The following ADGRA1 variants were observed in gnomAD, a reference collection of about 807,000 sequenced individuals.
ADGRA1 encodes the protein G-protein coupled receptor 123.
In ADGRA1, 12 loss-of-function variants were observed where a neutral mutation model predicts 21.3. The observed-to-expected ratio is 0.56, with a 90% CI of 0.36 to 0.91. The LOEUF is 0.91. ADGRA1 is among the 40% of genes least tolerant of loss of function. The pLI is 0.01. For missense variants in ADGRA1, 790 were observed against 805.6 expected (o/e 0.98, Z 0.23); for synonymous variants, 385 against 368.8 (o/e 1.04, Z -0.50).
At chr10:133,096,678 G>A (rs186772533) in intron 2 of ADGRA1, among the ~76,000 whole-genome samples, 9 of 152,370 alleles carry the variant, frequency 5.9e-5, no homozygotes, top group Admixed American at 5.2e-4. Flanking sequence ...GCCGATACAT[G>A]GCCCCAGGAG....
chr10:133,091,769 A>T (rs1851599596), intron 2 of ADGRA1, among the ~76,000 whole-genome samples: 1 of 152,136 alleles, frequency 6.6e-6, no homozygotes, highest in Non-Finnish European at 1.5e-5. Context: ...TGGGTCTAAC[A>T]CTTCCTTCCC....
At position 133,094,785 on chromosome 10, in the gene ADGRA1, C is replaced by T. The variant is rs577491610; in HGVS notation, c.4-2189C>T. 7.9e-5 allele frequency among the ~76,000 whole-genome samples: 12 copies of T among 152,244 alleles called. No individual in the cohort carries two copies. The East Asian group carries it at 1.5e-3, about 20-fold the overall frequency. ...TCTTGGAGGAAAAGCCATTGACTCT[C>T]GTGGAAGAATCCTGGGGACAAGAAT... On this transcript the variant is annotated intron_variant, in intron 2 of 6. Transcript: ENST00000392607.
At chr10:133,125,446 C>T (rs544342798) in intron 5 of ADGRA1, among the ~76,000 whole-genome samples, 2 of 152,100 alleles carry the variant, frequency 1.3e-5, no homozygotes, top group South Asian at 2.1e-4. Context: ...TTGTTTGAGA[C>T]GGAGTCTCGT....
rs554396713 is a variant in ADGRA1, at chr10:133,119,410, A to G, written c.402-7823A>G. ...TGTGGCAGTTTCTTAAAATAAGACAACAATGACATTTGCCACATTGATAGA... is the reference window on the plus strand; with the variant it reads ...TGTGGCAGTTTCTTAAAATAAGACAGCAATGACATTTGCCACATTGATAGA... On this transcript the variant is annotated intron_variant, in intron 5 of 6. Transcript: ENST00000392607. 5.9e-5 allele frequency among the ~76,000 whole-genome samples: 9 copies of G among 152,356 alleles called. 1 individual carries two copies. In the South Asian group the frequency reaches 1.9e-3, roughly 32 times the overall value.
intron 2 of ADGRA1, chr10:133,095,664 C>CA: frequency 1.3e-6 from 2 of 1,596,122 alleles, no homozygotes; most frequent in South Asian, 2.2e-5. Flanking sequence ...ACCCTCTGTC[C>CA]ACGGTGGACA....
intron 5 of ADGRA1, among the ~76,000 whole-genome samples, chr10:133,108,137 A>G (rs1851924956): frequency 6.6e-6 from 1 of 152,206 alleles, no homozygotes; most frequent in Admixed American, 6.5e-5. Flanking sequence ...CAGGCATCAC[A>G]CAGACCTCCC....
intron 5 of ADGRA1, among the ~76,000 whole-genome samples, chr10:133,111,262 G>GTGA (rs1564849017): frequency 2.0e-4 from 21 of 102,696 alleles, no homozygotes; most frequent in Non-Finnish European, 3.2e-4. Context: ...GCCCACCACA[G>GTGA]GCACCTCCCT....
At chr10:133,111,298 C>G (rs60987118) in intron 5 of ADGRA1, among the ~76,000 whole-genome samples, 4 of 19,418 alleles carry the variant, frequency 2.1e-4, no homozygotes, top group South Asian at 4.6e-3. Flanking sequence ...CAACCTGCCC[C>G]CCCGGGAACC....
chr10:133,115,518 G>T (rs955823181), intron 5 of ADGRA1, among the ~76,000 whole-genome samples: 5 of 152,178 alleles, frequency 3.3e-5, no homozygotes. Flanking sequence ...ACCCCGAGAA[G>T]GGCAGCCCCC....
chr10:133,101,741 A>G (rs1851799135), intron 4 of ADGRA1, among the ~76,000 whole-genome samples: 1 of 152,108 alleles, frequency 6.6e-6, no homozygotes, highest in African/African-American at 2.4e-5. Context: ...AGGCACTGGG[A>G]TGGGACACGA....
chr10:133,113,593 T>C (rs1852103004), intron 5 of ADGRA1, among the ~76,000 whole-genome samples: 1 of 152,158 alleles, frequency 6.6e-6, no homozygotes, highest in African/African-American at 2.4e-5. Context: ...GAATGGCCAG[T>C]AGGAGGTGTC....
chr10:133,105,320 C>T (rs1433933508), intron 5 of ADGRA1, among the ~76,000 whole-genome samples: 1 of 152,188 alleles, frequency 6.6e-6, no homozygotes, highest in East Asian at 1.9e-4. Flanking sequence ...GAGTCTCAGC[C>T]GCCGTGCATG....
In ADGRA1 at chr10:133,088,775, G is replaced by T; in HGVS notation, c.-135G>T. 2 of 1,231,856 alleles carry T rather than the reference G, an allele frequency of 1.6e-6. No individual in the cohort carries two copies. Among genetic ancestry groups the T allele is most frequent in the South Asian group, 4.2e-5 (1 of 23,990 alleles). The allele number at this position is 1,231,856 out of a possible 1,614,324, so 76.3% of individuals were successfully genotyped here. A position where few individuals can be genotyped will look rare whatever the true frequency, so the allele number is the denominator to read the frequency against. On this transcript the variant is annotated 5_prime_UTR_variant, in exon 2 of 7. Coordinates refer to ENST00000392607, the MANE Select transcript of ADGRA1 (RefSeq NM_001083909.3). ...CCTGAGGCCAGGGGCCCGGGAGCGC[G>T]ACCTCCTGGCCGCCGTCTGGGACTT...
At chr10:133,120,595 T>C (rs1004247705) in intron 5 of ADGRA1, among the ~76,000 whole-genome samples, 1 of 152,194 alleles carries the variant, frequency 6.6e-6, no homozygotes, top group African/African-American at 2.4e-5. Flanking sequence ...GGAGCATTTT[T>C]TCTGCTGCAC....
At chr10:133,111,046 C>G (rs186769395) in intron 5 of ADGRA1, among the ~76,000 whole-genome samples, 3 of 152,074 alleles carry the variant, frequency 2.0e-5, no homozygotes, top group Non-Finnish European at 4.4e-5. Flanking sequence ...ACCTGCCCAC[C>G]AGGGACACCT....
chr10:133,115,682 G>A (rs1324329844), intron 5 of ADGRA1, among the ~76,000 whole-genome samples: 1 of 152,130 alleles, frequency 6.6e-6, no homozygotes, highest in East Asian at 1.9e-4. Flanking sequence ...AGGGTCGGCC[G>A]ATGGCGTTGT....
At chr10:133,121,785 G>A (rs539416944) in intron 5 of ADGRA1, among the ~76,000 whole-genome samples, 73 of 146,292 alleles carry the variant, frequency 5.0e-4, no homozygotes, top group South Asian at 1.6e-3. Flanking sequence ...TGTGCGTGTC[G>A]TGTGCCAGTG....
chr10:133,088,861 T>G lies in ADGRA1; in HGVS notation c.-49T>G. The G allele has an allele frequency of 8.1e-7, 1 of 1,237,600 alleles. No individual in the cohort carries two copies. The highest frequency in any genetic ancestry group is 1.0e-6 in the Non-Finnish European group (1 of 988,096). 76.7% of individuals were successfully genotyped at this position (1,237,600 alleles called of 1,614,324 possible). A position where few individuals can be genotyped will look rare whatever the true frequency, so the allele number is the denominator to read the frequency against. On this transcript the variant is annotated 5_prime_UTR_variant, in exon 2 of 7. Coordinates refer to ENST00000392607, the MANE Select transcript of ADGRA1 (RefSeq NM_001083909.3). ...AGGGCGCCACCTGATCGCCTCCCCC[T>G]GGACGCCTCCTCCAGCGGCGCTCAC...
intron 2 of ADGRA1, 50 bp downstream of exon 2, chr10:133,088,962 G>A: frequency 1.6e-6 from 2 of 1,235,502 alleles, no homozygotes; most frequent in Non-Finnish European, 1.0e-6. Context: ...AGGCCGCTGC[G>A]GGGGGGCGGC....
Sources: gnomAD v4.1 joint callset for allele counts (sites outside exome capture counted in the v4.1 genomes callset) on GRCh38, gnomAD v4.1.1 for gene constraint, MANE v1.5 for transcripts, NCBI Gene and HGNC (gene_info 2026-07-23, HGNC 2026-07-21) for gene names.